OVCH1: variants seen among roughly 807,000 people sequenced by gnomAD.
OVCH1 encodes ovochymase-1.
A neutral mutation model predicts 138.4 loss-of-function variants in OVCH1; 139 were observed. The observed-to-expected ratio is 1.00, with a 90% CI of 0.87 to 1.16. OVCH1 has a LOEUF of 1.16. Ranked by LOEUF, OVCH1 falls within the 50% of genes most tolerant of loss-of-function variation. The pLI is 0.00. For synonymous variants in OVCH1, 453 were observed against 467.8 expected (o/e 0.97, Z 0.41); for missense variants, 1,367 against 1,357.9 (o/e 1.01, Z -0.11).
At chr12:29,419,408 C>A (rs1020255324) in intron 3 of OVCH1, among the ~76,000 whole-genome samples, 1 of 151,672 alleles carries the variant, frequency 6.6e-6, no homozygotes, top group Admixed American at 6.6e-5. Context: ...CTGCCTCAGC[C>A]TCCCGAGTAG....
intron 8 of OVCH1, among the ~76,000 whole-genome samples, chr12:29,481,992 A>G (rs1942949480): frequency 1.3e-5 from 2 of 152,202 alleles, no homozygotes; most frequent in Non-Finnish European, 2.9e-5. Flanking sequence ...TACCTGGACT[A>G]TTGCAGTAGT....
chr12:29,439,285 G>A (rs1285133146), intron 26 of OVCH1: 2 of 1,386,926 alleles, frequency 1.4e-6, no homozygotes, highest in African/African-American at 1.5e-5. Flanking sequence ...TTGTTAAGAT[G>A]TTATATAAGC....
rs367616259 is a variant in OVCH1, at chr12:29,477,335, A to T, written c.1246+6T>A. ...TGGCAAGGAATTAAATACCTGAAAC[A>T]CTCACCTGCTTCTGACTTCTGTACA... is the stretch of plus-strand genomic sequence containing the variant. On this transcript the variant is annotated splice_donor_region_variant and intron_variant, in intron 11 of 27. Coordinates refer to ENST00000318184, the Ensembl canonical transcript of OVCH1. The T allele has an allele frequency of 6.2e-7, 1 of 1,613,704 alleles. No individual in the cohort carries two copies. The highest frequency in any genetic ancestry group is 2.2e-5 in the East Asian group (1 of 44,888).
At chr12:29,444,342 G>A in intron 23 of OVCH1, 62 bp from the exon 24 acceptor site, 1 of 1,489,558 alleles carries the variant, frequency 6.7e-7, no homozygotes, top group Non-Finnish European at 9.2e-7. Flanking sequence ...CTTCCTATAT[G>A]CCTTTTCAGA....
chr12:29,482,431 T>G (rs969001768), intron 8 of OVCH1, among the ~76,000 whole-genome samples: 3 of 152,196 alleles, frequency 2.0e-5, no homozygotes, highest in African/African-American at 7.2e-5. Flanking sequence ...CCCCCTTTCT[T>G]GCCTTATTTT....
chr12:29,452,647 A>C (rs1181827547), intron 21 of OVCH1, among the ~76,000 whole-genome samples: 1 of 152,186 alleles, frequency 6.6e-6, no homozygotes, highest in Non-Finnish European at 1.5e-5. Context: ...TGTCTTTCTA[A>C]TCTTTTTAGT....
intron 21 of OVCH1, among the ~76,000 whole-genome samples, chr12:29,454,217 G>C (rs1330291302): frequency 1.3e-5 from 2 of 152,142 alleles, no homozygotes; most frequent in East Asian, 1.9e-4. Flanking sequence ...CATCACTCTT[G>C]CAATTCTACC....
downstream of OVCH1, among the ~76,000 whole-genome samples, chr12:29,424,545 G>A (rs1021867423): frequency 2.0e-5 from 3 of 152,210 alleles, no homozygotes; most frequent in African/African-American, 7.2e-5. Context: ...AAACAGAGAG[G>A]TGTAGGGGTT....
chr12:29,495,962 T>C (rs1158896918), intron 3 of OVCH1, among the ~76,000 whole-genome samples: 1 of 152,242 alleles, frequency 6.6e-6, no homozygotes, highest in Non-Finnish European at 1.5e-5. Flanking sequence ...CCATAAATTA[T>C]AGATGATGTC....
intron 15 of OVCH1, among the ~76,000 whole-genome samples, chr12:29,472,200 T>C (rs1942536660): frequency 6.6e-6 from 1 of 152,220 alleles, no homozygotes; most frequent in African/African-American, 2.4e-5. Flanking sequence ...TACAGAATTT[T>C]ATTTATTCAT....
At chr12:29,466,308 A>C (rs1376509405) in intron 16 of OVCH1, among the ~76,000 whole-genome samples, 1 of 152,192 alleles carries the variant, frequency 6.6e-6, no homozygotes, top group East Asian at 1.9e-4. Flanking sequence ...TACTGTATTT[A>C]TCTCAGTACT....
chr12:29,464,982 T>A (rs1942267327), intron 17 of OVCH1, among the ~76,000 whole-genome samples, 165 bp downstream of exon 17: 1 of 152,174 alleles, frequency 6.6e-6, no homozygotes, highest in African/African-American at 2.4e-5. Context: ...AATTCTCAAG[T>A]GAAAATGTAA....
chr12:29,420,403 T>C (rs971233397), intron 3 of OVCH1, among the ~76,000 whole-genome samples: 2 of 151,764 alleles, frequency 1.3e-5, no homozygotes, highest in East Asian at 2.0e-4. Context: ...AAGACATCAT[T>C]ATCTCCATTT....
At chr12:29,451,987 T>C (rs1289882199) in intron 21 of OVCH1, among the ~76,000 whole-genome samples, 3 of 152,138 alleles carry the variant, frequency 2.0e-5, no homozygotes, top group African/African-American at 4.8e-5. Flanking sequence ...ATGAAAAAGA[T>C]AACTTGCTGG....
chr12:29,418,298 C>T (rs1284933817), intron 3 of OVCH1, among the ~76,000 whole-genome samples: 8 of 152,106 alleles, frequency 5.3e-5, no homozygotes, highest in Non-Finnish European at 8.8e-5. Context: ...TTTACTAGGT[C>T]ATGAAAGTAT....
intron 19 of OVCH1, among the ~76,000 whole-genome samples, chr12:29,459,739 C>A (rs1417007248): frequency 6.6e-6 from 1 of 151,824 alleles, no homozygotes; most frequent in Non-Finnish European, 1.5e-5. Context: ...TCTCATGTCC[C>A]CCATAAATAT....
chr12:29,478,686 T>C, intron 9 of OVCH1, 149 bp downstream of exon 10: 1 of 467,986 alleles, frequency 2.1e-6, no homozygotes, highest in Non-Finnish European at 3.5e-6. Flanking sequence ...TTGAGTAAAG[T>C]GAAAGCAAGT....
intron 27 of OVCH1, among the ~76,000 whole-genome samples, chr12:29,430,416 G>C (rs1941248317): frequency 6.6e-6 from 1 of 152,200 alleles, no homozygotes; most frequent in Non-Finnish European, 1.5e-5. Flanking sequence ...GGTGGGTAGG[G>C]AAGGACCATT....
At chr12:29,495,012 C>T (rs1353180822) in intron 4 of OVCH1, among the ~76,000 whole-genome samples, 1 of 151,928 alleles carries the variant, frequency 6.6e-6, no homozygotes, top group East Asian at 1.9e-4. Context: ...ATCACATGTA[C>T]CCTGAAAATA....
Sources: gnomAD v4.1 joint callset for allele counts (sites outside exome capture counted in the v4.1 genomes callset) on GRCh38, gnomAD v4.1.1 for gene constraint, MANE v1.5 for transcripts, NCBI Gene and HGNC (gene_info 2026-07-23, HGNC 2026-07-21) for gene names.